Variants in RECQL5 observed in about 807,000 individuals in gnomAD.
RECQL5 encodes RecQ like helicase 5, also known as ATP-dependent DNA helicase Q5.
A neutral mutation model predicts 103.4 loss-of-function variants in RECQL5; 88 were observed. That is an observed-to-expected ratio of 0.85 (90% CI 0.72 to 1.02). The LOEUF is 1.02. Ranked by LOEUF, RECQL5 falls within the 50% of genes least tolerant of loss-of-function variation. RECQL5 has a pLI of 0.00. For missense variants in RECQL5, 1,232 were observed against 1,284.3 expected (o/e 0.96, Z 0.62); for synonymous variants, 552 against 507.9 (o/e 1.09, Z -1.17).
Position 75,627,451 on chromosome 17 carries a change from A to C in RECQL5, c.2947T>G (p.Trp983Gly), listed in dbSNP as rs768951440. Residue 983 changes from tryptophan (W) to glycine (G), a missense_variant, in exon 20 of 20, where the codon TGG (tryptophan) becomes GGG (glycine). By Grantham distance (184) the Trp-to-Gly change is radical. Transcript: ENST00000317905. ...CTCTGGGGGCCACACAGGCCATGCC[A>C]GTCAGCTTCGCTCTCGCACCGGGCC... is the stretch of plus-strand genomic sequence containing the variant. Reference protein sequence around the residue: ...GRARCESEADWHGLCGPQR With the variant: ...GRARCESEADGHGLCGPQR 7.9e-5 allele frequency: 127 copies of C among 1,613,542 alleles called. 1 individual carries two copies. The highest frequency in any genetic ancestry group is 9.5e-5 in the Non-Finnish European group (112 of 1,180,006).
chr17:75,628,754 G>A lies in RECQL5; in HGVS notation c.2498C>T (p.Pro833Leu), dbSNP rs547473877. ...TTCAGGGGTGCCCTGGTCTCTGGGCGGGCAGGTGCTGGTAGAGGGAAGAGC... is the reference window on the plus strand; with the variant it reads ...TTCAGGGGTGCCCTGGTCTCTGGGCAGGCAGGTGCTGGTAGAGGGAAGAGC... ...ECLRERPSTC[P>L]PRDQGTPEVQ... The change falls in exon 17 of 20, where the codon CCG (proline) becomes CTG (leucine). Residue 833 changes from proline (P) to leucine (L), a missense_variant. Coordinates refer to ENST00000317905, the MANE Select transcript of RECQL5 (RefSeq NM_004259.7). 1.4e-5 allele frequency: 23 copies of A among 1,593,990 alleles called. No individual in the cohort carries two copies. In the South Asian group the frequency reaches 1.6e-4, roughly 11 times the overall value.
chr17:75,633,999 C>T (rs1328202664), intron 8 of RECQL5: 4 of 985,408 alleles, frequency 4.1e-6, no homozygotes, highest in Non-Finnish European at 4.8e-6. Context: ...CTCGGGCTCC[C>T]CCTCGCGACG....
intron 13 of RECQL5, 126 bp downstream of exon 13, chr17:75,630,493 C>T (rs2059186944): frequency 5.5e-6 from 6 of 1,083,412 alleles, no homozygotes; most frequent in Non-Finnish European, 6.9e-6. Flanking sequence ...AGGGGCAGTC[C>T]CCTGGAGTAG....
At position 75,628,774 on chromosome 17, in the gene RECQL5, A is replaced by G; in HGVS notation, c.2490-12T>C. 1.2e-6 allele frequency: 2 copies of G among 1,602,728 alleles called. No individual in the cohort carries two copies. Among genetic ancestry groups the G allele is most frequent in the East Asian group, 4.5e-5 (2 of 44,842 alleles). On this transcript the variant is annotated splice_polypyrimidine_tract_variant and intron_variant, in intron 16 of 19. Transcript: ENST00000317905. The stretch of plus-strand genomic sequence containing the variant: ...TGGGCGGGCAGGTGCTGGTAGAGGG[A>G]AGAGCAGGCATCACAGCACTGGGTC...
In RECQL5 at chr17:75,628,847, G is replaced by A. The variant is rs775735536; in HGVS notation, c.2490-85C>T. The A allele has an allele frequency of 2.4e-5, 38 of 1,592,906 alleles. No homozygotes were observed. The South Asian group carries it at 4.2e-4, about 18-fold the overall frequency. On this transcript the variant is annotated intron_variant, in intron 16 of 19. Transcript: ENST00000317905. ...AGGCCTAGGAGAGCCCATCTCAGGGGTGAGCTCTGAGCTTCAGACGCCCAG... is the reference window on the plus strand; with the variant it reads ...AGGCCTAGGAGAGCCCATCTCAGGGATGAGCTCTGAGCTTCAGACGCCCAG...
chr17:75,630,883 G>A (rs1475809886), intron 11 of RECQL5, 46 bp from the exon 12 acceptor site: 1 of 1,536,004 alleles, frequency 6.5e-7, no homozygotes. Context: ...TCCACCTTCT[G>A]CGCTCTGAGG....
chr17:75,628,786 C>G (rs1296409993), intron 16 of RECQL5, 24 bp from the exon 17 acceptor site: 1 of 1,604,964 alleles, frequency 6.2e-7, no homozygotes, highest in African/African-American at 1.3e-5. Context: ...GAGCAGGCAT[C>G]ACAGCACTGG....
At chr17:75,658,015 T>A (rs1197369673) in intron 7 of RECQL5, among the ~76,000 whole-genome samples, 3 of 151,456 alleles carry the variant, frequency 2.0e-5, no homozygotes, top group Admixed American at 2.0e-4. Flanking sequence ...GCCATTGCAC[T>A]CCAGCCTGAG....
At chr17:75,651,364 G>GT in intron 7 of RECQL5, 99 bp from the exon 8 acceptor site, 1 of 1,370,462 alleles carries the variant, frequency 7.3e-7, no homozygotes, top group Non-Finnish European at 1.0e-6. Context: ...GCTCACGGCT[G>GT]TAATCCCAGC....
chr17:75,643,476 T>C (rs772842094), intron 8 of RECQL5, among the ~76,000 whole-genome samples: 3 of 152,198 alleles, frequency 2.0e-5, no homozygotes, highest in Non-Finnish European at 4.4e-5. Flanking sequence ...CTTGGCCAAC[T>C]GGCACACACC....
chr17:75,658,427 C>T lies in RECQL5; in HGVS notation c.1020G>A (p.Met340Ile). The change falls in exon 7 of 20, where the codon ATG (methionine) becomes ATA (isoleucine). Residue 340 changes from methionine to isoleucine, a missense_variant. By Grantham distance (10) the Met-to-Ile change is conservative (BLOSUM62 1). Coordinates refer to ENST00000317905, the MANE Select transcript of RECQL5 (RefSeq NM_004259.7). Reference sequence around the variant, plus strand: ...GGCCAGACTCCTGGTAGTACCCAGCCATAGACTTGGCAATATTCCAATGGG... The same window carrying T: ...GGCCAGACTCCTGGTAGTACCCAGCTATAGACTTGGCAATATTCCAATGGG... Reference protein sequence around the residue: ...FVAHWNIAKSMAGYYQESGRA... With the variant: ...FVAHWNIAKSIAGYYQESGRA... 6.2e-7 allele frequency: 1 copy of T among 1,613,924 alleles called. No homozygotes were observed. The highest frequency in any genetic ancestry group is 8.5e-7 in the Non-Finnish European group (1 of 1,179,898).
At chr17:75,635,428 T>G (rs1486735100) in intron 8 of RECQL5, among the ~76,000 whole-genome samples, 11 of 151,866 alleles carry the variant, frequency 7.2e-5, no homozygotes, top group Admixed American at 7.2e-4. Flanking sequence ...GGACGGAGGG[T>G]GAATGAACAG....
In RECQL5 at chr17:75,662,975, G is replaced by C; in HGVS notation, c.275C>G (p.Thr92Ser). 1 of 1,607,512 alleles carries C rather than the reference G, an allele frequency of 6.2e-7. No homozygotes were observed. Among genetic ancestry groups the C allele is most frequent in the Non-Finnish European group, 8.5e-7 (1 of 1,176,436 alleles). ...LIQDQVDHLL[T>S]LKVRVSSLNS... ...CAGGGAACTTACTCGTACCTTTAGG[G>C]TTAGCAAGTGGTCCACTTGGTCCTA... The change falls in exon 4 of 20, where the codon ACC becomes AGC. Residue 92 changes from threonine to serine, a missense_variant. Physicochemically the swap from Thr to Ser is moderately conservative, Grantham distance 58. Coordinates refer to ENST00000317905, the MANE Select transcript of RECQL5 (RefSeq NM_004259.7).
chr17:75,647,352 C>G (rs1241152665), intron 8 of RECQL5: 2 of 1,535,176 alleles, frequency 1.3e-6, no homozygotes, highest in Non-Finnish European at 8.8e-7. Context: ...CACTCAGGTC[C>G]TCTGTCCCTC....
At chr17:75,651,877 C>T (rs1339096902) in intron 7 of RECQL5, among the ~76,000 whole-genome samples, 1 of 152,124 alleles carries the variant, frequency 6.6e-6, no homozygotes, top group Non-Finnish European at 1.5e-5. Flanking sequence ...AACACATATA[C>T]TTCTGTGTAT....
chr17:75,636,714 G>A lies in RECQL5; in HGVS notation c.1230-5046C>T, dbSNP rs2059329076. 1 of 152,328 alleles carries A rather than the reference G, an allele frequency of 6.6e-6. No individual in the cohort carries two copies. Among genetic ancestry groups the A allele is most frequent in the Non-Finnish European group, 1.5e-5 (1 of 68,142 alleles). The allele number at this position is 152,328 out of a possible 1,614,324, so 9.4% of individuals were successfully genotyped here. A position where few individuals can be genotyped will look rare whatever the true frequency, so the allele number is the denominator to read the frequency against. On this transcript the variant is annotated intron_variant, in intron 8 of 19. Coordinates refer to ENST00000317905, the MANE Select transcript of RECQL5 (RefSeq NM_004259.7). The surrounding 1 kb of genome is among the most constrained non-coding windows in gnomAD (Gnocchi z 5.4). ...CAGCTCCCCCACCTGCGCCATGAAGGTTCAGTCGCGGGTTTACGCTCCAAA... is the reference window on the plus strand; with the variant it reads ...CAGCTCCCCCACCTGCGCCATGAAGATTCAGTCGCGGGTTTACGCTCCAAA...
chr17:75,647,320 C>A (rs950427403), intron 8 of RECQL5: 1 of 1,465,518 alleles, frequency 6.8e-7, no homozygotes, highest in East Asian at 2.5e-5. Context: ...GCACCTGGGA[C>A]AGGGCCTGGG....
chr17:75,650,484 G>A, intron 8 of RECQL5: 1 of 1,390,920 alleles, frequency 7.2e-7, no homozygotes, highest in East Asian at 2.6e-5. Flanking sequence ...TGAGCTTCGT[G>A]ACTGTGACCT....
intron 8 of RECQL5, chr17:75,650,653 T>A (rs769480812): frequency 1.2e-6 from 2 of 1,613,932 alleles, no homozygotes; most frequent in African/African-American, 1.3e-5. Flanking sequence ...CAGCTCCGCA[T>A]GCCTGGACAC....
Sources: allele counts gnomAD v4.1 joint callset (sites outside exome capture counted in the v4.1 genomes callset), GRCh38; gene constraint gnomAD v4.1.1; non-coding constraint Gnocchi (gnomAD v3.1); transcripts MANE v1.5; gene names NCBI Gene and HGNC (gene_info 2026-07-23, HGNC 2026-07-21).